The following MME variants were observed in gnomAD, a reference collection of about 807,000 sequenced individuals.
The protein encoded by MME is neprilysin.
A neutral mutation model predicts 113.2 loss-of-function variants in MME; 98 were observed. The observed-to-expected ratio is 0.87, with a 90% CI of 0.74 to 1.02. The LOEUF is 1.02. MME is among the 50% of genes least tolerant of loss of function. The probability of loss-of-function intolerance (pLI) is 0.00; values close to 1 mark genes in which losing one functional copy is unlikely to be tolerated. For missense variants in MME, 836 were observed against 896.0 expected, an observed-to-expected ratio of 0.93 and a Z score of 0.86; for synonymous variants, 292 against 300.6, an observed-to-expected ratio of 0.97 and a Z score of 0.30.
chr3:155,168,425 G>T, intron 18 of MME, 67 bp from the exon 19 acceptor site: 1 of 1,393,320 alleles, frequency 7.2e-7, no homozygotes, highest in Non-Finnish European at 1.0e-6. Context: ...CTTGCACTTT[G>T]AATTAAACAT....
intron 8 of MME, among the ~76,000 whole-genome samples, chr3:155,124,804 A>G (rs1719469377): frequency 6.6e-6 from 1 of 151,930 alleles, no homozygotes; most frequent in Non-Finnish European, 1.5e-5. Context: ...GTGCTGGGAG[A>G]ACCACTGCTC....
intron 3 of MME, among the ~76,000 whole-genome samples, chr3:155,104,803 A>G (rs1398825579): frequency 6.6e-6 from 1 of 152,298 alleles, no homozygotes; most frequent in East Asian, 1.9e-4. Flanking sequence ...GAACATTATC[A>G]TCATTTGCTA....
chr3:155,039,627 A>G (rs1489315635), intron 1 of MME, among the ~76,000 whole-genome samples: 1 of 152,224 alleles, frequency 6.6e-6, no homozygotes, highest in Non-Finnish European at 1.5e-5. Flanking sequence ...AGTGTATCAA[A>G]GATAATTTTC....
chr3:155,142,321 T>C lies in MME; in HGVS notation c.1179T>C (p.Ala393=), dbSNP rs773098536. The change falls in exon 12 of 23, where the codon GCT becomes GCC. Residue 393 remains alanine (A), a synonymous_variant. Transcript: ENST00000360490. ...GAACCTACAAGGAGTCCAGAAATGC[T>C]TTCCGCAAGGTGAAGAAAAAATCTC... The part of the protein sequence containing the change: ...LSRTYKESRN[A]FRKALYGTTS... 7 of 1,612,992 alleles carry C rather than the reference T, an allele frequency of 4.3e-6. No homozygotes were observed. In the South Asian group the frequency reaches 6.6e-5, roughly 15 times the overall value.
At chr3:155,094,873 A>T (rs1242540432) in intron 3 of MME, among the ~76,000 whole-genome samples, 1 of 152,222 alleles carries the variant, frequency 6.6e-6, no homozygotes, top group Admixed American at 6.5e-5. Flanking sequence ...AGAGGTCTGC[A>T]TCAGGAGAAT....
intron 1 of MME, among the ~76,000 whole-genome samples, chr3:155,032,598 T>C (rs1421939079): frequency 6.6e-6 from 1 of 152,192 alleles, no homozygotes; most frequent in Non-Finnish European, 1.5e-5. Flanking sequence ...CCTCAACAGA[T>C]GCCCACTGGC....
rs140246353 is a variant in MME at position 155,114,889 on chromosome 3, C to G, written c.197-105C>G. On this transcript the variant is annotated intron_variant, in intron 3 of 22. Transcript: ENST00000360490. Reference sequence around the variant, plus strand: ...TATATAAAAAAGAAAACGGAGCATCCGACAAATTGATGCAATCAAAAGGGA... The same window carrying G: ...TATATAAAAAAGAAAACGGAGCATCGGACAAATTGATGCAATCAAAAGGGA... 5 of 1,168,192 alleles carry G rather than the reference C, an allele frequency of 4.3e-6. No homozygotes were observed. The South Asian group carries it at 6.2e-5, about 15-fold the overall frequency. The allele number at this position is 1,168,192 out of a possible 1,614,324, so 72.4% of individuals were successfully genotyped here.
chr3:155,151,925 A>G (rs1044958597), intron 16 of MME, among the ~76,000 whole-genome samples: 6 of 152,022 alleles, frequency 3.9e-5, no homozygotes, highest in African/African-American at 1.2e-4. Flanking sequence ...TTTTTTACCA[A>G]CCACCTTCTA....
intron 20 of MME, 126 bp from the exon 21 acceptor site, chr3:155,171,991 C>T (rs1712020362): frequency 1.5e-6 from 1 of 651,914 alleles, no homozygotes; most frequent in Non-Finnish European, 2.8e-6. Flanking sequence ...GTTACCATAA[C>T]TAAATGTATT....
At chr3:155,092,412 T>G (rs1396175167) in intron 3 of MME, among the ~76,000 whole-genome samples, 1 of 152,188 alleles carries the variant, frequency 6.6e-6, no homozygotes, top group African/African-American at 2.4e-5. Flanking sequence ...TGGATCAACA[T>G]GTTAGAAACA....
intron 1 of MME, among the ~76,000 whole-genome samples, chr3:155,063,330 T>A (rs1250975537): frequency 1.8e-5 from 2 of 111,466 alleles, no homozygotes; most frequent in East Asian, 2.4e-4. Flanking sequence ...ATAATATATA[T>A]AAATATATAA....
chr3:155,069,343 A>G (rs1263939706), intron 1 of MME, among the ~76,000 whole-genome samples: 1 of 152,232 alleles, frequency 6.6e-6, no homozygotes, highest in Non-Finnish European at 1.5e-5. Flanking sequence ...GATGTATTAA[A>G]GATTAAGAAA....
intron 22 of MME, among the ~76,000 whole-genome samples, chr3:155,176,739 T>C (rs186917419): frequency 1.3e-5 from 2 of 152,252 alleles, no homozygotes; most frequent in East Asian, 3.9e-4. Flanking sequence ...GGCAGGAGGA[T>C]TGCTTGAACC....
chr3:155,138,363 T>C, intron 9 of MME, 127 bp downstream of exon 9: 1 of 919,972 alleles, frequency 1.1e-6, no homozygotes, highest in Admixed American at 2.3e-5. Flanking sequence ...CATGGCTTGG[T>C]AATAGATCAT....
intron 7 of MME, among the ~76,000 whole-genome samples, chr3:155,117,875 A>C (rs1189934194): frequency 6.6e-6 from 1 of 151,986 alleles, no homozygotes; most frequent in Non-Finnish European, 1.5e-5. Context: ...TCTTTGGGTT[A>C]TGTTTTCTTT....
intron 1 of MME, among the ~76,000 whole-genome samples, chr3:155,038,773 T>A (rs1156872257): frequency 6.6e-6 from 1 of 152,142 alleles, no homozygotes; most frequent in Non-Finnish European, 1.5e-5. Context: ...AGCATACATT[T>A]TTTTTCTTTC....
In MME at chr3:155,181,215, A is replaced by G. The variant is rs201304339; in HGVS notation, c.*756A>G. ...TGTAAAAATAATAATTTTTATATTT[A>G]ATTATTAACTACATTTATGAGTAAC... is the stretch of plus-strand genomic sequence containing the variant. On this transcript the variant is annotated 3_prime_UTR_variant, in exon 23 of 23. Transcript: ENST00000360490. 1 of 151,914 alleles carries G rather than the reference A, an allele frequency of 6.6e-6. No individual in the cohort carries two copies. Among genetic ancestry groups the G allele is most frequent in the Non-Finnish European group, 1.5e-5 (1 of 67,954 alleles). 9.4% of individuals were successfully genotyped at this position (151,914 alleles called of 1,614,324 possible).
intron 1 of MME, among the ~76,000 whole-genome samples, chr3:155,036,298 C>T (rs1377503755): frequency 1.3e-5 from 2 of 152,148 alleles, no homozygotes; most frequent in Non-Finnish European, 1.5e-5. Context: ...CAATAAAATA[C>T]ACCAATTTAA....
At position 155,144,387 on chromosome 3, in the gene MME, A is replaced by G; in HGVS notation, c.1346A>G (p.Glu449Gly). Residue 449 changes from glutamate to glycine, a missense_variant, in exon 14 of 23, where the codon GAA becomes GGA. Coordinates refer to ENST00000360490, the MANE Select transcript of MME (RefSeq NM_007289.4). ...GAGGATTTGATTGCACAGATCCGAG[A>G]AGTTTTTATTCAGACTTTAGATGAC... ...VVEDLIAQIREVFIQTLDDLT... is the reference protein window; with the variant it reads ...VVEDLIAQIRGVFIQTLDDLT... The G allele has an allele frequency of 1.2e-6, 2 of 1,613,072 alleles. No individual in the cohort carries two copies. The highest frequency in any genetic ancestry group is 1.7e-6 in the Non-Finnish European group (2 of 1,179,272).
Sources: gnomAD v4.1 joint callset for allele counts (sites outside exome capture counted in the v4.1 genomes callset) on GRCh38, gnomAD v4.1.1 for gene constraint, MANE v1.5 for transcripts, NCBI Gene and HGNC (gene_info 2026-07-23, HGNC 2026-07-21) for gene names.